GRIP1: variants seen among roughly 807,000 people sequenced by gnomAD.
GRIP1 encodes glutamate receptor interacting protein 1, also known as glutamate receptor-interacting protein 1.
Under a neutral mutation model 129.9 loss-of-function variants are expected in GRIP1, and 45 were observed. That is an observed-to-expected ratio of 0.35 (90% CI 0.27 to 0.44). GRIP1 has a LOEUF of 0.44. Among genes scored for constraint, GRIP1 ranks in the 20% least tolerant of loss-of-function variants. The pLI, the probability that GRIP1 is intolerant of heterozygous loss-of-function variation, is 1.00. For synonymous variants in GRIP1, 530 were observed against 520.8 expected (o/e 1.02, Z -0.24); for missense variants, 1,196 against 1,396.8 (o/e 0.86, Z 2.29).
chr12:66,703,887 T>C (rs1158095873), intron 1 of GRIP1, among the ~76,000 whole-genome samples: 1 of 152,072 alleles, frequency 6.6e-6, no homozygotes, highest in Non-Finnish European at 1.5e-5. Flanking sequence ...GTATTGATGA[T>C]TGCACACCAC....
intron 1 of GRIP1, among the ~76,000 whole-genome samples, chr12:67,011,921 A>C (rs2135717130): frequency 1.3e-5 from 2 of 152,288 alleles, no homozygotes; most frequent in African/African-American, 4.8e-5. Context: ...GCTGTGTTCT[A>C]ATGAAACTTT....
chr12:66,353,279 C>T (rs1296502918), intron 24 of GRIP1, 138 bp downstream of exon 24: 1 of 750,422 alleles, frequency 1.3e-6, no homozygotes, highest in African/African-American at 1.7e-5. Context: ...CAGCTGTTTG[C>T]TTCTACTGAT....
At chr12:66,542,538 G>C (rs1393862561) in intron 2 of GRIP1, among the ~76,000 whole-genome samples, 10 of 152,124 alleles carry the variant, frequency 6.6e-5, no homozygotes, top group Admixed American at 6.6e-4. Flanking sequence ...TGGCAAGGCA[G>C]GATTGATCCT....
chr12:66,418,875 A>G (rs950962580), intron 15 of GRIP1, among the ~76,000 whole-genome samples: 1 of 152,190 alleles, frequency 6.6e-6, no homozygotes, highest in Admixed American at 6.5e-5. Context: ...CACCATAAAA[A>G]CAGCTGGAGG....
chr12:66,903,349 C>A (rs750237878), intron 1 of GRIP1, among the ~76,000 whole-genome samples: 1 of 149,030 alleles, frequency 6.7e-6, no homozygotes, highest in Non-Finnish European at 1.5e-5. Context: ...ACTTCAAGAG[C>A]GCTTTTTTCC....
intron 1 of GRIP1, among the ~76,000 whole-genome samples, chr12:66,696,640 A>G (rs930883739): frequency 1.3e-5 from 2 of 151,550 alleles, no homozygotes; most frequent in Non-Finnish European, 2.9e-5. Flanking sequence ...AAAACAAAAA[A>G]CAAACAAACA....
rs182567816 is a variant in GRIP1 at position 66,693,824 on chromosome 12, T to G, written c.-419-63488A>C. ...CCCATGATTTTAAAAATAGAAATTA[T>G]ACAGATACATAAAATGAAGGACTAT... On this transcript the variant is annotated intron_variant, in intron 1 of 4. Transcript: ENST00000538373. Among the ~76,000 whole-genome samples the G allele has an allele frequency of 2.0e-5, 3 of 152,306 alleles. No homozygotes were observed. The East Asian group carries it at 5.8e-4, about 29-fold the overall frequency.
intron 1 of GRIP1, among the ~76,000 whole-genome samples, chr12:66,921,840 T>C (rs1299231794): frequency 6.6e-6 from 1 of 152,250 alleles, no homozygotes; most frequent in Non-Finnish European, 1.5e-5. Context: ...CTCTTTTACA[T>C]GACTTTATGA....
intron 1 of GRIP1, among the ~76,000 whole-genome samples, chr12:66,698,791 C>A (rs566877471): frequency 6.6e-6 from 1 of 152,240 alleles, no homozygotes; most frequent in Non-Finnish European, 1.5e-5. Context: ...AGTCCTCTAC[C>A]AATGTTACCA....
At chr12:67,054,591 C>A (rs1318209874) in intron 1 of GRIP1, among the ~76,000 whole-genome samples, 1 of 151,974 alleles carries the variant, frequency 6.6e-6, no homozygotes, top group Non-Finnish European at 1.5e-5. Context: ...TGGCAAAACC[C>A]CGTTTCTACT....
intron 1 of GRIP1, among the ~76,000 whole-genome samples, chr12:66,899,370 A>T (rs541611477): frequency 3.3e-4 from 49 of 149,328 alleles, no homozygotes; most frequent in East Asian, 1.2e-3. Flanking sequence ...GTGAAAAAAA[A>T]TTTTTTTTTT....
At chr12:66,726,522 CT>C in intron 1 of GRIP1, among the ~76,000 whole-genome samples, 1 of 152,268 alleles carries the variant, frequency 6.6e-6, no homozygotes, top group East Asian at 1.9e-4. Flanking sequence ...AAACAAACAA[CT>C]TTAATTCTTG....
chr12:66,578,994 A>G (rs1435421753), intron 2 of GRIP1, among the ~76,000 whole-genome samples: 1 of 152,154 alleles, frequency 6.6e-6, no homozygotes, highest in African/African-American at 2.4e-5. Flanking sequence ...GAGCAGCCTA[A>G]CTGGGAGGCA....
chr12:66,401,607 TATAC>T (rs1322449570), intron 16 of GRIP1, among the ~76,000 whole-genome samples: 3 of 121,342 alleles, frequency 2.5e-5, no homozygotes, highest in African/African-American at 1.1e-4. Context: ...TGTATATATA[TATAC>T]ACACACACAC....
At chr12:66,592,500 C>T (rs1444435234) in intron 2 of GRIP1, among the ~76,000 whole-genome samples, 1 of 152,148 alleles carries the variant, frequency 6.6e-6, no homozygotes, top group Non-Finnish European at 1.5e-5. Context: ...TCCCTGGGTG[C>T]ATCAAAGTTT....
Position 66,773,182 on chromosome 12 carries a change from G to A in GRIP1, c.-420+30871C>T, listed in dbSNP as rs73130833. Among the ~76,000 whole-genome samples the A allele has an allele frequency of 7.0e-3, 1,067 of 152,272 alleles. 18 individuals are homozygous for A. Among genetic ancestry groups the A allele is most frequent in the East Asian group, 0.06 (308 of 5,174 alleles). ...GGTCAGTGGGAACTTTGAAAGTTGA[G>A]GTTAATGATGTTATGTCTGGTCTTG... On this transcript the variant is annotated intron_variant, in intron 1 of 4. Transcript: ENST00000538373.
chr12:66,967,053 T>A (rs1020759998), intron 1 of GRIP1, among the ~76,000 whole-genome samples: 4 of 152,218 alleles, frequency 2.6e-5, no homozygotes, highest in Non-Finnish European at 5.9e-5. Context: ...ATTTACCTAT[T>A]GAAAGATATT....
chr12:66,363,431 T>G (rs1364528605), intron 23 of GRIP1, among the ~76,000 whole-genome samples: 2 of 149,010 alleles, frequency 1.3e-5, no homozygotes, highest in African/African-American at 4.9e-5. Context: ...AATTATTTTT[T>G]GTAGACACTG....
At chr12:66,998,434 A>G (rs2042502206) in intron 1 of GRIP1, among the ~76,000 whole-genome samples, 1 of 152,124 alleles carries the variant, frequency 6.6e-6, no homozygotes, top group African/African-American at 2.4e-5. Flanking sequence ...AAAAAAATAT[A>G]TATTTGTTTA....
Sources: allele counts gnomAD v4.1 joint callset (sites outside exome capture counted in the v4.1 genomes callset), GRCh38; gene constraint gnomAD v4.1.1; transcripts MANE v1.5; gene names NCBI Gene and HGNC (gene_info 2026-07-23, HGNC 2026-07-21).